Variants in SLC66A2 observed in about 807,000 individuals in gnomAD.
SLC66A2 encodes the protein PQ loop repeat containing 1.
SLC66A2 carries 23 observed loss-of-function variants against 25.5 expected under a neutral mutation model. The observed-to-expected ratio is 0.90, with a 90% CI of 0.65 to 1.28. The LOEUF is 1.28. SLC66A2 is among the 50% of genes most tolerant of loss of function. The pLI, the probability that SLC66A2 is intolerant of heterozygous loss-of-function variation, is 0.00. For synonymous variants in SLC66A2, 193 were observed against 166.5 expected (o/e 1.16, Z -1.23); for missense variants, 396 against 373.1 (o/e 1.06, Z -0.51).
chr18:79,908,773 A>T (rs758034882), intron 5 of SLC66A2, among the ~76,000 whole-genome samples: 2 of 152,186 alleles, frequency 1.3e-5, no homozygotes, highest in Non-Finnish European at 2.9e-5. Context: ...TCTCATCTCC[A>T]TTCTACAGTT....
Position 79,933,970 on chromosome 18 carries a change from C to T in SLC66A2, c.390G>A (p.Leu130=). Residue 130 remains leucine (L), a splice_region_variant and synonymous_variant, in exon 4 of 6, where the codon CTG becomes CTA. Coordinates refer to ENST00000397778, the MANE Select transcript of SLC66A2 (RefSeq NM_025078.5). The stretch of plus-strand genomic sequence containing the variant: ...ACAGTGCACGCGCAGGGTACATACC[C>T]AGGAAGGACCGCCTGGGGGCAACCT... ...EVKVAPRRSF[L]DFDPHHFWQW... is the part of the protein sequence containing the mutation. 4 of 1,612,080 alleles carry T rather than the reference C, an allele frequency of 2.5e-6. No homozygotes were observed. Among genetic ancestry groups the T allele is most frequent in the Non-Finnish European group, 3.4e-6 (4 of 1,179,470 alleles).
intron 4 of SLC66A2, among the ~76,000 whole-genome samples, chr18:79,925,897 C>T (rs757659918): frequency 1.1e-4 from 16 of 152,336 alleles, no homozygotes; most frequent in Middle Eastern, 3.4e-3. Flanking sequence ...CGTTCCCAGA[C>T]GGTCAGGCAT....
rs1353675190 is a variant in SLC66A2, at chr18:79,917,912, C to T, written c.608+1272G>A. Among the ~76,000 whole-genome samples the T allele has an allele frequency of 6.6e-6, 1 of 151,932 alleles. No individual in the cohort carries two copies. Among genetic ancestry groups the T allele is most frequent in the Non-Finnish European group, 1.5e-5 (1 of 67,960 alleles). On this transcript the variant is annotated intron_variant, in intron 5 of 5. Transcript: ENST00000397778. This position sits in a 1 kb window ranked among gnomAD's most constrained non-coding sequence, Gnocchi z 6.0. ...GACCCATGCCCCACACCTCTACCTA[C>T]AGCCCACACCGGAACTCCATACCCC...
intron 5 of SLC66A2, among the ~76,000 whole-genome samples, chr18:79,912,639 G>A (rs1983409706): frequency 6.6e-6 from 1 of 152,154 alleles, no homozygotes; most frequent in South Asian, 2.1e-4. Flanking sequence ...TGGGGCGGTG[G>A]GAATGACTGC....
intron 2 of SLC66A2, 142 bp from the exon 3 acceptor site, chr18:79,943,604 C>A: frequency 1.0e-6 from 1 of 986,778 alleles, no homozygotes. Context: ...GCCGGAGAGA[C>A]CCTGTGTCAG....
rs1405440186 is a variant in SLC66A2, at chr18:79,904,655, C to T, written c.609-472G>A. Among the ~76,000 whole-genome samples the T allele has an allele frequency of 1.3e-5, 2 of 152,158 alleles. No homozygotes were observed. The highest frequency in any genetic ancestry group is 4.8e-5 in the African/African-American group (2 of 41,426). ...ACGCAGATCTGTGCCCCCAGGCACACAGCCAAGTGGAGCAGAGCAGCTGCT... is the reference window on the plus strand; with the variant it reads ...ACGCAGATCTGTGCCCCCAGGCACATAGCCAAGTGGAGCAGAGCAGCTGCT... On this transcript the variant is annotated intron_variant, in intron 5 of 5. Transcript: ENST00000397778. The surrounding 1 kb of genome is among the most constrained non-coding windows in gnomAD (Gnocchi z 6.3).
At chr18:79,946,808 A>G (rs776552522) in intron 2 of SLC66A2, among the ~76,000 whole-genome samples, 4 of 152,226 alleles carry the variant, frequency 2.6e-5, no homozygotes, top group Admixed American at 2.0e-4. Context: ...TCTACTAAAA[A>G]TACAAAAATT....
intron 5 of SLC66A2, 129 bp downstream of exon 5, chr18:79,919,055 A>T: frequency 1.2e-6 from 1 of 841,876 alleles, no homozygotes. Context: ...GCTATTCTTT[A>T]ACCGGCAGCT....
chr18:79,940,496 A>T lies in SLC66A2; in HGVS notation c.337+2833T>A, dbSNP rs1235879407. 6.6e-6 allele frequency among the ~76,000 whole-genome samples: 1 copy of T among 152,104 alleles called. No individual in the cohort carries two copies. Among genetic ancestry groups the T allele is most frequent in the East Asian group, 1.9e-4 (1 of 5,196 alleles). On this transcript the variant is annotated intron_variant, in intron 3 of 5. Transcript: ENST00000397778. This position sits in a 1 kb window ranked among gnomAD's most constrained non-coding sequence, Gnocchi z 4.1. ...ATGTACCTGAACTTAAAAGCTTAAAAAAAAAAACAGAACATGTTCAGAGCC... is the reference window on the plus strand; with the variant it reads ...ATGTACCTGAACTTAAAAGCTTAAATAAAAAAACAGAACATGTTCAGAGCC...
intron 5 of SLC66A2, among the ~76,000 whole-genome samples, chr18:79,905,936 T>C (rs941371498): frequency 3.3e-5 from 5 of 152,246 alleles, no homozygotes; most frequent in African/African-American, 9.6e-5. Flanking sequence ...TTTCAGACTT[T>C]AGATTATGCA....
Position 79,951,615 on chromosome 18 carries a change from C to A in SLC66A2, c.-134G>T, listed in dbSNP as rs879894251. 1.6e-3 allele frequency: 241 copies of A among 151,734 alleles called. No homozygotes were observed. The highest frequency in any genetic ancestry group is 3.2e-3 in the Admixed American group (49 of 15,174). The allele number at this position is 151,734 out of a possible 1,614,324, so 9.4% of individuals were successfully genotyped here. Reference sequence around the variant, plus strand: ...CAGCCCCGCGCCCAGCGCCCCGCGTCCCCGCGCCGCTGACCCGCGCGCGTC... The same window carrying A: ...CAGCCCCGCGCCCAGCGCCCCGCGTACCCGCGCCGCTGACCCGCGCGCGTC... On this transcript the variant is annotated 5_prime_UTR_variant, in exon 1 of 6. Coordinates refer to ENST00000397778, the MANE Select transcript of SLC66A2 (RefSeq NM_025078.5).
chr18:79,919,403 AG>A lies in SLC66A2; in HGVS notation c.392-4del. On this transcript the variant is annotated splice_polypyrimidine_tract_variant and splice_region_variant and intron_variant, in intron 4 of 5. Coordinates refer to ENST00000397778, the MANE Select transcript of SLC66A2 (RefSeq NM_025078.5). ...CCAGAAGTGGTGGGGGTCGAAGTCT[AG>A]GGCGAGAGGGAGAAGCAGCCTCAGC... is the stretch of plus-strand genomic sequence containing the variant. The A allele has an allele frequency of 1.2e-6, 2 of 1,612,628 alleles. No homozygotes were observed. The highest frequency in any genetic ancestry group is 1.7e-6 in the Non-Finnish European group (2 of 1,179,740).
chr18:79,932,459 G>A (rs942774010), intron 4 of SLC66A2, among the ~76,000 whole-genome samples: 1 of 151,382 alleles, frequency 6.6e-6, no homozygotes, highest in African/African-American at 2.4e-5. Context: ...AGGCAATGTG[G>A]ATGTGTTGTG....
intron 2 of SLC66A2, among the ~76,000 whole-genome samples, chr18:79,946,976 A>T (rs901153923): frequency 2.0e-5 from 3 of 152,150 alleles, no homozygotes; most frequent in African/African-American, 7.2e-5. Flanking sequence ...AGAAAAAAAA[A>T]ATCCAGCAGA....
chr18:79,914,587 C>T (rs565271155), intron 5 of SLC66A2, among the ~76,000 whole-genome samples: 17 of 152,334 alleles, frequency 1.1e-4, no homozygotes, highest in African/African-American at 2.6e-4. Flanking sequence ...GCCCAAGCTG[C>T]GTCTGGAGAG....
intron 4 of SLC66A2, among the ~76,000 whole-genome samples, chr18:79,923,200 CA>C (rs1174712020): frequency 2.0e-5 from 2 of 99,198 alleles, no homozygotes; most frequent in Non-Finnish European, 4.0e-5. Context: ...GGGCTATGGA[CA>C]GGGGGGCTGT....
At position 79,904,300 on chromosome 18, in the gene SLC66A2, G is replaced by A; in HGVS notation, c.609-117C>T. The A allele has an allele frequency of 1.1e-6, 1 of 919,688 alleles. No individual in the cohort carries two copies. The highest frequency in any genetic ancestry group is 2.6e-5 in the East Asian group (1 of 38,198). 57.0% of individuals were successfully genotyped at this position (919,688 alleles called of 1,614,324 possible). The stretch of plus-strand genomic sequence containing the variant: ...CCTGGGGCTCAGGGGCACCCAGGGG[G>A]CTAAGGGGACCCCCAGGCAGTCGGC... On this transcript the variant is annotated intron_variant, in intron 5 of 5. Transcript: ENST00000397778. This position sits in a 1 kb window ranked among gnomAD's most constrained non-coding sequence, Gnocchi z 6.3.
chr18:79,925,001 CAGG>C (rs1985763007), intron 4 of SLC66A2: 1 of 152,342 alleles, frequency 6.6e-6, no homozygotes, highest in African/African-American at 2.4e-5. Flanking sequence ...TAAGTTCAGT[CAGG>C]AGAAGTCGGC....
rs139186674 is a variant in SLC66A2 at position 79,916,501 on chromosome 18, C to T, written c.608+2683G>A. On this transcript the variant is annotated intron_variant, in intron 5 of 5. Coordinates refer to ENST00000397778, the MANE Select transcript of SLC66A2 (RefSeq NM_025078.5). ...GAGCCTGCACAGAGGACAGAAGAAT[C>T]TCAACAGACCCTGCTGGGTTCACGT... Among the ~76,000 whole-genome samples the T allele has an allele frequency of 5.6e-4, 85 of 152,376 alleles. 2 individuals carry two copies. The East Asian group carries it at 0.015, about 26-fold the overall frequency.
Sources: gnomAD v4.1 joint callset for allele counts (sites outside exome capture counted in the v4.1 genomes callset) on GRCh38, gnomAD v4.1.1 for gene constraint, Gnocchi (gnomAD v3.1) non-coding constraint, MANE v1.5 for transcripts, NCBI Gene and HGNC (gene_info 2026-07-23, HGNC 2026-07-21) for gene names.